Variants in TUBG2 observed in about 807,000 individuals in gnomAD.
TUBG2 encodes the protein tubulin gamma 2.
A neutral mutation model predicts 55.1 loss-of-function variants in TUBG2; 39 were observed. The ratio of observed to expected loss-of-function variants is 0.71; its 90% CI spans 0.55 to 0.93. The LOEUF is 0.93. TUBG2 is among the 40% of genes least tolerant of loss of function. The pLI, the probability that TUBG2 is intolerant of heterozygous loss-of-function variation, is 0.00. For synonymous variants in TUBG2, 223 were observed against 241.0 expected, an observed-to-expected ratio of 0.93 and a Z score of 0.69; for missense variants, 358 against 599.1, an observed-to-expected ratio of 0.60 and a Z score of 4.20.
At position 42,666,624 on chromosome 17, in the gene TUBG2, C is replaced by T; in HGVS notation, c.1180C>T (p.Gln394Ter). 3 of 1,614,236 alleles carry T rather than the reference C, an allele frequency of 1.9e-6. No individual in the cohort carries two copies. The highest frequency in any genetic ancestry group is 2.2e-5 in the South Asian group (2 of 91,080). ...ISSLFESSCQ[Q>*]FDKLRKRDAF... ...TCAGCTCTTTGAAAGTTCCTGCCAG[C>T]AGTTTGACAAGCTGCGGAAGCGGGA... The change falls in exon 11 of 11, where the codon CAG (glutamine) becomes TAG (stop). Residue 394 changes from glutamine (Q) to a stop codon, truncating the protein, a stop_gained. Transcript: ENST00000251412. LOFTEE classifies it high-confidence loss of function.
chr17:42,665,558 A>C lies in TUBG2; in HGVS notation c.689A>C (p.Gln230Pro). The change falls in exon 7 of 11, where the codon CAG (glutamine) becomes CCG (proline). Residue 230 changes from glutamine to proline, a missense_variant. By Grantham distance (76) the Gln-to-Pro change is moderately conservative. This residue lies in a region of TUBG2 where 52 missense variants were observed against 53.8 expected (regional missense o/e 0.97). Coordinates refer to ENST00000251412, the MANE Select transcript of TUBG2 (RefSeq NM_016437.3). Reference sequence around the variant, plus strand: ...AACCCGTCCTTCTCCCAGATCAACCAGCTGGTGGGCCCCCACTCCCGGACT... The same window carrying C: ...AACCCGTCCTTCTCCCAGATCAACCCGCTGGTGGGCCCCCACTCCCGGACT... ...IQNPSFSQINQLVSTIMSAST... is the reference protein window; with the variant it reads ...IQNPSFSQINPLVSTIMSAST... 6.2e-7 allele frequency: 1 copy of C among 1,614,026 alleles called. No individual in the cohort carries two copies. The highest frequency in any genetic ancestry group is 8.5e-7 in the Non-Finnish European group (1 of 1,179,968).
Position 42,666,757 on chromosome 17 carries a change from C to G in TUBG2, c.1313C>G (p.Ala438Gly). ...GAGCTCATTGATGAGTACCATGCGG[C>G]CACCCAGCCAGACTACATTTCCTGG... ...VQELIDEYHAATQPDYISWGT... is the reference protein window; with the variant it reads ...VQELIDEYHAGTQPDYISWGT... The change falls in exon 11 of 11, where the codon GCC becomes GGC. Residue 438 changes from alanine to glycine, a missense_variant. Ala to Gly is a moderately conservative substitution (Grantham distance 60). Coordinates refer to ENST00000251412, the MANE Select transcript of TUBG2 (RefSeq NM_016437.3). 1 of 1,614,096 alleles carries G rather than the reference C, an allele frequency of 6.2e-7. No individual in the cohort carries two copies. The highest frequency in any genetic ancestry group is 1.1e-5 in the South Asian group (1 of 91,072).
rs368761930 is a variant in TUBG2, at chr17:42,659,818, C to T, written c.50-16C>T. The T allele has an allele frequency of 5.9e-5, 96 of 1,614,138 alleles. 1 individual carries two copies. In the African/African-American group the frequency reaches 1.0e-3, roughly 17 times the overall value. ...TTAAGGCTCCAGCAGACCCGGGCAT[C>T]TCCCCCCTCCCCCAGTTGGGTTCGA... On this transcript the variant is annotated splice_polypyrimidine_tract_variant and intron_variant, in intron 1 of 10. Transcript: ENST00000251412.
chr17:42,659,470 AGGCCGGGGC>A lies in TUBG2; in HGVS notation c.-33_-25del. Reference sequence around the variant, plus strand: ...ATTCGTCTCAGCCGTGACTCTCGCCAGGCCGGGGCTGGCGCGCCCACGTCTGAAGAGCGA... The same window carrying A: ...ATTCGTCTCAGCCGTGACTCTCGCCATGGCGCGCCCACGTCTGAAGAGCGA... On this transcript the variant is annotated 5_prime_UTR_variant, in exon 1 of 11. In the 5' UTR this introduces an upstream ATG that the reference lacks. Transcript: ENST00000251412. 5 of 1,542,168 alleles carry A rather than the reference AGGCCGGGGC, an allele frequency of 3.2e-6. No homozygotes were observed. Among genetic ancestry groups the A allele is most frequent in the Non-Finnish European group, 4.4e-6 (5 of 1,143,364 alleles).
At chr17:42,663,258 A>G in intron 5 of TUBG2, 119 bp from the exon 6 acceptor site, 3 of 1,483,470 alleles carry the variant, frequency 2.0e-6, no homozygotes, top group South Asian at 2.6e-5. Flanking sequence ...TTTCAGGCTT[A>G]TCCTTTTTGG....
In TUBG2 at chr17:42,659,492, GT is replaced by G; in HGVS notation, c.-11del. 6.5e-7 allele frequency: 1 copy of G among 1,549,342 alleles called. No homozygotes were observed. Among genetic ancestry groups the G allele is most frequent in the Non-Finnish European group, 8.7e-7 (1 of 1,147,082 alleles). ...GCCAGGCCGGGGCTGGCGCGCCCACGTCTGAAGAGCGATGCCCCGGGAGATC... is the reference window on the plus strand; with the variant it reads ...GCCAGGCCGGGGCTGGCGCGCCCACGCTGAAGAGCGATGCCCCGGGAGATC... On this transcript the variant is annotated 5_prime_UTR_variant, in exon 1 of 11. Transcript: ENST00000251412.
At chr17:42,663,266 T>C in intron 5 of TUBG2, 111 bp from the exon 6 acceptor site, 2 of 1,505,224 alleles carry the variant, frequency 1.3e-6, no homozygotes, top group Middle Eastern at 1.8e-4. Context: ...TTATCCTTTT[T>C]GGCTCTGAAG....
In TUBG2 at chr17:42,663,028, A is replaced by G; in HGVS notation, c.455A>G (p.Tyr152Cys). ...AGGTGSGLGSYLLERLNDRYP... is the reference protein window; with the variant it reads ...AGGTGSGLGSCLLERLNDRYP... Reference sequence around the variant, plus strand: ...GGTACGGGTTCTGGCCTGGGCTCCTACCTCCTGGAGCGACTGAATGACAGG... The same window carrying G: ...GGTACGGGTTCTGGCCTGGGCTCCTGCCTCCTGGAGCGACTGAATGACAGG... Residue 152 changes from tyrosine to cysteine, a missense_variant, in exon 5 of 11, where the codon TAC (tyrosine) becomes TGC (cysteine). Tyr to Cys is a radical substitution (Grantham distance 194, BLOSUM62 -2). Around this residue, in one of 8 missense-constraint regions of TUBG2, gnomAD observed 40 missense variants for 40.4 expected, o/e 0.99. Coordinates refer to ENST00000251412, the MANE Select transcript of TUBG2 (RefSeq NM_016437.3). 6.2e-7 allele frequency: 1 copy of G among 1,613,908 alleles called. No homozygotes were observed. The highest frequency in any genetic ancestry group is 8.5e-7 in the Non-Finnish European group (1 of 1,179,952).
chr17:42,666,517 T>A (rs1337706568), intron 10 of TUBG2, 33 bp downstream of exon 10: 2 of 1,613,402 alleles, frequency 1.2e-6, no homozygotes, highest in African/African-American at 2.7e-5. Flanking sequence ...CTTAGAAGAG[T>A]CTGTTCCACT....
rs1215379736 is a variant in TUBG2, at chr17:42,660,161, C to CA, written c.176dup (p.His59GlnfsTer54). Reference sequence around the variant, plus strand: ...CTCCCCTTGACAGGCAGACGATGAGCACTACATCCCCCGGGCCGTGCTGCT... The same window carrying CA: ...CTCCCCTTGACAGGCAGACGATGAGCAACTACATCCCCCGGGCCGTGCTGCT... On this transcript the variant is annotated frameshift_variant, in exon 3 of 11. Coordinates refer to ENST00000251412, the MANE Select transcript of TUBG2 (RefSeq NM_016437.3). LOFTEE classifies it high-confidence loss of function. 1 of 1,597,588 alleles carries CA rather than the reference C, an allele frequency of 6.3e-7. No homozygotes were observed. Among genetic ancestry groups the CA allele is most frequent in the Non-Finnish European group, 8.6e-7 (1 of 1,168,670 alleles).
At chr17:42,662,442 C>T (rs1188027587) in intron 4 of TUBG2, among the ~76,000 whole-genome samples, 3 of 152,078 alleles carry the variant, frequency 2.0e-5, no homozygotes, top group South Asian at 2.1e-4. Flanking sequence ...CCCGTATCTA[C>T]GAAAAATAAA....
In TUBG2 at chr17:42,663,020, G is replaced by A. The variant is rs148323868; in HGVS notation, c.447G>A (p.Leu149=). Residue 149 remains leucine (L), a synonymous_variant, in exon 5 of 11, where the codon CTG becomes CTA. Transcript: ENST00000251412. The part of the protein sequence containing the change: ...HSIAGGTGSG[L]GSYLLERLND... ...TCGCTGGGGGTACGGGTTCTGGCCTGGGCTCCTACCTCCTGGAGCGACTGA... is the reference window on the plus strand; with the variant it reads ...TCGCTGGGGGTACGGGTTCTGGCCTAGGCTCCTACCTCCTGGAGCGACTGA... The A allele has an allele frequency of 1.9e-4, 308 of 1,614,118 alleles. 1 individual carries two copies. The African/African-American group carries it at 3.6e-3, about 19-fold the overall frequency.
At chr17:42,664,827 C>G (rs1414711307) in intron 6 of TUBG2, among the ~76,000 whole-genome samples, 1 of 107,134 alleles carries the variant, frequency 9.3e-6, no homozygotes, top group South Asian at 3.5e-4. Context: ...CAGTACTTTT[C>G]TTTCTTTTTA....
Position 42,660,005 on chromosome 17 carries a change from G to A in TUBG2, c.162+59G>A, listed in dbSNP as rs960824893. 4.7e-5 allele frequency: 70 copies of A among 1,493,764 alleles called. 1 individual carries two copies. The Middle Eastern group carries it at 5.9e-4, about 13-fold the overall frequency. 92.5% of individuals were successfully genotyped at this position (1,493,764 alleles called of 1,614,324 possible). On this transcript the variant is annotated intron_variant, in intron 2 of 10. Transcript: ENST00000251412. ...GCCCAAGGGGGCGGAAGGGAAGGGAGTGGCCTGGTACTGGGAACCCCGCTG... is the reference window on the plus strand; with the variant it reads ...GCCCAAGGGGGCGGAAGGGAAGGGAATGGCCTGGTACTGGGAACCCCGCTG...
intron 4 of TUBG2, among the ~76,000 whole-genome samples, 165 bp from the exon 5 acceptor site, chr17:42,662,808 G>C (rs1023186697): frequency 6.6e-6 from 1 of 152,132 alleles, no homozygotes; most frequent in African/African-American, 2.4e-5. Context: ...ACAGTCTGTA[G>C]GTAGTCCAGA....
rs199829663 is a variant in TUBG2, at chr17:42,665,722, C to T, written c.738C>T (p.Pro246=). 202 of 1,614,230 alleles carry T rather than the reference C, an allele frequency of 1.3e-4. No homozygotes were observed. The East Asian group carries it at 3.2e-3, about 25-fold the overall frequency. ...MSASTTTLRY[P]GYMNNDLIGL... ...CCAGCACCACCACCCTGCGCTACCC[C>T]GGCTACATGAACAATGACCTCATCG... is the stretch of plus-strand genomic sequence containing the variant. The change falls in exon 8 of 11, where the codon CCC becomes CCT. Residue 246 remains proline (P), a synonymous_variant. Transcript: ENST00000251412.
intron 8 of TUBG2, 65 bp downstream of exon 8, chr17:42,665,892 T>C: frequency 6.2e-7 from 1 of 1,607,540 alleles, no homozygotes. Flanking sequence ...TGCCCCAGCC[T>C]TTCTCTCTTC....
intron 6 of TUBG2, among the ~76,000 whole-genome samples, chr17:42,665,193 G>A (rs746245462): frequency 6.6e-6 from 1 of 151,942 alleles, no homozygotes; most frequent in Non-Finnish European, 1.5e-5. Context: ...GACTACAGGC[G>A]CCCGCCAACA....
At position 42,662,984 on chromosome 17, in the gene TUBG2, G is replaced by A. The variant is rs1183664634; in HGVS notation, c.411G>A (p.Leu137=). The A allele has an allele frequency of 1.2e-6, 2 of 1,614,126 alleles. No homozygotes were observed. The highest frequency in any genetic ancestry group is 1.1e-5 in the South Asian group (1 of 91,088). The stretch of plus-strand genomic sequence containing the variant: ...CTGTATACACACAGGGCTTCGTGCT[G>A]TGTCACTCCATCGCTGGGGGTACGG... ...DGSDSLEGFV[L]CHSIAGGTGS... is the part of the protein sequence containing the mutation. The change falls in exon 5 of 11, where the codon CTG becomes CTA. Residue 137 remains leucine (L), a synonymous_variant. Transcript: ENST00000251412.
Sources: allele counts gnomAD v4.1 joint callset (sites outside exome capture counted in the v4.1 genomes callset), GRCh38; gene constraint gnomAD v4.1.1; regional missense constraint gnomAD v4.1.1; transcripts MANE v1.5; gene names NCBI Gene and HGNC (gene_info 2026-07-23, HGNC 2026-07-21).